The following CAPG variants were observed in gnomAD, a reference collection of about 807,000 sequenced individuals.
CAPG encodes capping actin protein, gelsolin like.
CAPG carries 32 observed loss-of-function variants against 44.6 expected under a neutral mutation model. The ratio of observed to expected loss-of-function variants is 0.72; its 90% CI spans 0.54 to 0.96. CAPG has a LOEUF of 0.96. Ranked by LOEUF, CAPG falls within the 50% of genes least tolerant of loss-of-function variation. The pLI is 0.00. For synonymous variants in CAPG, 175 were observed against 179.6 expected (o/e 0.97, Z 0.20); for missense variants, 412 against 438.3 (o/e 0.94, Z 0.54).
chr2:85,406,253 A>G (rs907770623), intron 1 of CAPG, among the ~76,000 whole-genome samples: 1 of 147,786 alleles, frequency 6.8e-6, no homozygotes, highest in Non-Finnish European at 1.5e-5. Flanking sequence ...CTCGGTTTCA[A>G]AAAAAAAAAA....
rs1441599924 is a variant in CAPG at position 85,394,852 on chromosome 2, G to C, written c.*41C>G. ...CAGCCAGAGAAGCAAGCAGGCAGGT[G>C]GTGGGGGGCAGGGGAGCATGGGGCA... On this transcript the variant is annotated 3_prime_UTR_variant, in exon 10 of 10. Coordinates refer to ENST00000263867, the MANE Select transcript of CAPG (RefSeq NM_001747.4). The C allele has an allele frequency of 6.9e-7, 1 of 1,452,428 alleles. No individual in the cohort carries two copies. Among genetic ancestry groups the C allele is most frequent in the East Asian group, 2.3e-5 (1 of 44,198 alleles). 90.0% of individuals were successfully genotyped at this position (1,452,428 alleles called of 1,614,324 possible).
chr2:85,411,021 C>G (rs1019294451), upstream of CAPG, among the ~76,000 whole-genome samples: 1 of 151,940 alleles, frequency 6.6e-6, no homozygotes, highest in African/African-American at 2.4e-5. Flanking sequence ...CCAACATGCC[C>G]GACTAATTTT....
chr2:85,406,251 CAA>C (rs1189890985), intron 1 of CAPG, among the ~76,000 whole-genome samples: 6 of 116,426 alleles, frequency 5.2e-5, no homozygotes, highest in Admixed American at 8.3e-5. Context: ...GACTCGGTTT[CAA>C]AAAAAAAAAA....
downstream of CAPG, among the ~76,000 whole-genome samples, chr2:85,393,650 T>C (rs1008819485): frequency 4.0e-5 from 6 of 151,868 alleles, no homozygotes; most frequent in Non-Finnish European, 5.9e-5. Context: ...CTGCAACCTC[T>C]ACCTCCCGGG....
chr2:85,409,207 G>A (rs922017013), intron 1 of CAPG, among the ~76,000 whole-genome samples: 2 of 152,156 alleles, frequency 1.3e-5, no homozygotes, highest in East Asian at 3.9e-4. Context: ...TATTAGACTG[G>A]GGTGGCACCT....
rs1404526039 is a variant in CAPG, at chr2:85,398,801, G to A, written c.667-19C>T. The stretch of plus-strand genomic sequence containing the variant: ...CCAGGACCTGCAGGGGCCAGGGCAG[G>A]CCAGGTTTATAGGGACCCCTGCCCT... On this transcript the variant is annotated intron_variant, in intron 6 of 9. Coordinates refer to ENST00000263867, the MANE Select transcript of CAPG (RefSeq NM_001747.4). The A allele has an allele frequency of 6.4e-7, 1 of 1,572,324 alleles. No homozygotes were observed. Among genetic ancestry groups the A allele is most frequent in the East Asian group, 2.3e-5 (1 of 43,920 alleles).
chr2:85,404,787 A>T (rs938293182), intron 1 of CAPG, among the ~76,000 whole-genome samples: 1 of 151,764 alleles, frequency 6.6e-6, no homozygotes, highest in African/African-American at 2.4e-5. Flanking sequence ...AAATCAGCCA[A>T]ATGTGGTAGT....
chr2:85,401,763 T>TC (rs759583335), intron 3 of CAPG, 22 bp downstream of exon 3: 1 of 1,612,080 alleles, frequency 6.2e-7, no homozygotes, highest in African/African-American at 1.3e-5. Context: ...GGCCCAACCT[T>TC]CCCCCATCCA....
At chr2:85,401,058 GGGTTTAC>G (rs1195716805) in intron 5 of CAPG, 100 bp downstream of exon 5, 1 of 1,042,352 alleles carries the variant, frequency 9.6e-7, no homozygotes, top group Non-Finnish European at 1.4e-6. Context: ...CACTTGGAAT[GGGTTTAC>G]GGCTTCTCAG....
chr2:85,417,643 C>T (rs1687594225), intron 1 of CAPG, among the ~76,000 whole-genome samples: 2 of 151,982 alleles, frequency 1.3e-5, no homozygotes, highest in South Asian at 2.1e-4. Context: ...CCACCACGCC[C>T]GGGTAATTTT....
chr2:85,408,569 T>A (rs1213094047), intron 1 of CAPG, among the ~76,000 whole-genome samples: 1 of 152,106 alleles, frequency 6.6e-6, no homozygotes, highest in Non-Finnish European at 1.5e-5. Flanking sequence ...ACCTGATGCC[T>A]CTGTTCCTCA....
At chr2:85,403,095 T>C (rs955321313) in intron 1 of CAPG, among the ~76,000 whole-genome samples, 1 of 152,014 alleles carries the variant, frequency 6.6e-6, no homozygotes, top group Non-Finnish European at 1.5e-5. Flanking sequence ...ACCGATAAAA[T>C]TGATAAATCT....
intron 1 of CAPG, among the ~76,000 whole-genome samples, chr2:85,405,299 G>A (rs182120116): frequency 1.0e-3 from 152 of 152,244 alleles, no homozygotes; most frequent in African/African-American, 3.5e-3. Context: ...GCTTTCATAG[G>A]TTCCCATCAC....
At position 85,403,371 on chromosome 2, in the gene CAPG, C is replaced by T. The variant is rs573838667; in HGVS notation, c.-13-1213G>A. Among the ~76,000 whole-genome samples the T allele has an allele frequency of 7.2e-5, 11 of 152,160 alleles. No individual in the cohort carries two copies. The South Asian group carries it at 1.7e-3, about 23-fold the overall frequency. On this transcript the variant is annotated intron_variant, in intron 1 of 9. Coordinates refer to ENST00000263867, the MANE Select transcript of CAPG (RefSeq NM_001747.4). Reference sequence around the variant, plus strand: ...ATTTGTAGTAAAAAACTCGTTCCCCCGCCAAAAAACCCAAGCCCAGATGGC... The same window carrying T: ...ATTTGTAGTAAAAAACTCGTTCCCCTGCCAAAAAACCCAAGCCCAGATGGC...
At chr2:85,415,703 AT>A (rs913259130) in intron 1 of CAPG, among the ~76,000 whole-genome samples, 1 of 152,136 alleles carries the variant, frequency 6.6e-6, no homozygotes, top group African/African-American at 2.4e-5. Flanking sequence ...AAACCCCCAC[AT>A]TCTAATACTG....
intron 1 of CAPG, among the ~76,000 whole-genome samples, chr2:85,416,918 G>A (rs890552254): frequency 6.6e-6 from 1 of 152,226 alleles, no homozygotes; most frequent in Non-Finnish European, 1.5e-5. Context: ...GAATGGCCAG[G>A]GGTCTGGGTG....
chr2:85,398,774 G>C lies in CAPG; in HGVS notation c.675C>G (p.Gly225=), dbSNP rs1393764707. Residue 225 remains glycine, a synonymous_variant, in exon 7 of 10, where the codon GGC becomes GGG. Coordinates refer to ENST00000263867, the MANE Select transcript of CAPG (RefSeq NM_001747.4). ...TGCCCTCCTTCAGAGCAGGCTTGGG[G>C]CCCAGGACCTGCAGGGGCCAGGGCA... The part of the protein sequence containing the change: ...EEPAEMIQVL[G]PKPALKEGNP... 4 of 1,603,126 alleles carry C rather than the reference G, an allele frequency of 2.5e-6. No individual in the cohort carries two copies. The highest frequency in any genetic ancestry group is 3.4e-6 in the Non-Finnish European group (4 of 1,174,860).
intron 1 of CAPG, among the ~76,000 whole-genome samples, chr2:85,405,238 ATCTTTTTAAAAAAT>A (rs1230348357): frequency 1.3e-5 from 2 of 152,146 alleles, no homozygotes; most frequent in African/African-American, 2.4e-5. Context: ...AAAAGATATT[ATCTTTTTAAAAAAT>A]TCAGAAAATG....
chr2:85,404,841 A>G (rs946816310), intron 1 of CAPG, among the ~76,000 whole-genome samples: 1 of 151,914 alleles, frequency 6.6e-6, no homozygotes, highest in Non-Finnish European at 1.5e-5. Context: ...GAGGCTGAGG[A>G]GTGAGTATCG....
Sources: gnomAD v4.1 joint callset for allele counts (sites outside exome capture counted in the v4.1 genomes callset) on GRCh38, gnomAD v4.1.1 for gene constraint, MANE v1.5 for transcripts, NCBI Gene and HGNC (gene_info 2026-07-23, HGNC 2026-07-21) for gene names.